The following NAA15 variants were observed in gnomAD, a reference collection of about 807,000 sequenced individuals.
NAA15 encodes the protein N-alpha-acetyltransferase 15, NatA auxiliary subunit, also known as N-terminal acetyltransferase.
A neutral mutation model predicts 114.0 loss-of-function variants in NAA15; 34 were observed. That is an observed-to-expected ratio of 0.30 (90% CI 0.23 to 0.40). NAA15 has a LOEUF of 0.40. Ranked by LOEUF, NAA15 falls within the 10% of genes least tolerant of loss-of-function variation. The probability of loss-of-function intolerance (pLI) is 1.00; values close to 1 mark genes in which losing one functional copy is unlikely to be tolerated. For missense variants in NAA15, 658 were observed against 1,004.5 expected (o/e 0.66, Z 4.66); for synonymous variants, 340 against 338.0 (o/e 1.01, Z -0.06).
At position 139,349,471 on chromosome 4, in the gene NAA15, T is replaced by A. The variant is rs1429591209; in HGVS notation, c.701T>A (p.Leu234Gln). 6.3e-7 allele frequency: 1 copy of A among 1,588,504 alleles called. No individual in the cohort carries two copies. Among genetic ancestry groups the A allele is most frequent in the Non-Finnish European group, 8.5e-7 (1 of 1,172,190 alleles). Residue 234 changes from leucine to glutamine, a missense_variant, in exon 7 of 20, where the codon CTG (leucine) becomes CAG (glutamine). Leu to Gln is a moderately radical substitution (Grantham distance 113, BLOSUM62 -2). Coordinates refer to ENST00000296543, the MANE Select transcript of NAA15 (RefSeq NM_057175.5). ...LAVEETKGEL[L>Q]LQLCRLEDAA... Reference sequence around the variant, plus strand: ...TTCTGTTTTTAATCAGGGGAACTTCTGTTGCAACTATGTCGTTTGGAAGAT... The same window carrying A: ...TTCTGTTTTTAATCAGGGGAACTTCAGTTGCAACTATGTCGTTTGGAAGAT...
At chr4:139,353,523 A>G (rs1267850146) in intron 9 of NAA15, among the ~76,000 whole-genome samples, 1 of 152,200 alleles carries the variant, frequency 6.6e-6, no homozygotes, top group Non-Finnish European at 1.5e-5. Context: ...GACTCAAGAG[A>G]AACCAGAACC....
At chr4:139,334,106 T>C in intron 1 of NAA15, 68 bp from the exon 2 acceptor site, 1 of 927,730 alleles carries the variant, frequency 1.1e-6, no homozygotes, top group Non-Finnish European at 1.7e-6. Flanking sequence ...AGTAGAGAAA[T>C]TTAGCGTTGA....
At chr4:139,324,469 C>T (rs1168460633) in intron 1 of NAA15, among the ~76,000 whole-genome samples, 1 of 152,142 alleles carries the variant, frequency 6.6e-6, no homozygotes, top group Non-Finnish European at 1.5e-5. Flanking sequence ...ACCTGTATTT[C>T]TGTTTAATGC....
chr4:139,315,012 TTAGGTTAGGTTAGGTTAGGTTAGG>T (rs1560952818), intron 1 of NAA15, among the ~76,000 whole-genome samples: 15 of 106,150 alleles, frequency 1.4e-4, no homozygotes, highest in South Asian at 3.1e-4. Context: ...TTAGTTTAGG[TTAGGTTAGGTTAGGTTAGGTTAGG>T]TTAGGTTAGG....
At chr4:139,360,719 A>G (rs1285839235) in intron 13 of NAA15, 91 bp downstream of exon 13, 1 of 1,143,918 alleles carries the variant, frequency 8.7e-7, no homozygotes, top group East Asian at 2.9e-5. Flanking sequence ...ATTTCTTTAT[A>G]ATTCATAGTA....
chr4:139,339,801 C>G (rs1049871653), intron 3 of NAA15, among the ~76,000 whole-genome samples: 18 of 151,990 alleles, frequency 1.2e-4, no homozygotes, highest in Admixed American at 2.6e-4. Context: ...AACCCAATTA[C>G]TTTGGTAGGA....
rs199630944 is a variant in NAA15 at position 139,312,852 on chromosome 4, A to G, written c.54+11021A>G. Among the ~76,000 whole-genome samples, 82 of 148,976 alleles carry G rather than the reference A, an allele frequency of 5.5e-4. 1 individual carries two copies. Among genetic ancestry groups the G allele is most frequent in the South Asian group, 6.7e-4 (3 of 4,508 alleles). ...CAGAATGAGACCTTGTCTGGGGGGGAAAAAAAAAGTAAAATAAAAATTGCA... is the reference window on the plus strand; with the variant it reads ...CAGAATGAGACCTTGTCTGGGGGGGGAAAAAAAAGTAAAATAAAAATTGCA... On this transcript the variant is annotated intron_variant, in intron 1 of 19. Coordinates refer to ENST00000296543, the MANE Select transcript of NAA15 (RefSeq NM_057175.5).
intron 3 of NAA15, among the ~76,000 whole-genome samples, chr4:139,340,678 A>G (rs1458032777): frequency 6.6e-6 from 1 of 152,214 alleles, no homozygotes; most frequent in African/African-American, 2.4e-5. Flanking sequence ...TGATTTGTCC[A>G]AGGTTACAGA....
In NAA15 at chr4:139,354,054, G is replaced by A; in HGVS notation, c.1043G>A (p.Gly348Asp). The A allele has an allele frequency of 6.2e-7, 1 of 1,613,680 alleles. No homozygotes were observed. Among genetic ancestry groups the A allele is most frequent in the Non-Finnish European group, 8.5e-7 (1 of 1,179,782 alleles). The change falls in exon 10 of 20, where the codon GGT (glycine) becomes GAT (aspartate). Residue 348 changes from glycine to aspartate, a missense_variant. Around this residue, in one of 6 missense-constraint regions of NAA15, gnomAD observed 281 missense variants for 389.1 expected, o/e 0.72. Transcript: ENST00000296543. ...GCAATCATAGAAGAGTTAGTAGTAGGTTATGAAACCTCTCTAAAAAGCTGC... is the reference window on the plus strand; with the variant it reads ...GCAATCATAGAAGAGTTAGTAGTAGATTATGAAACCTCTCTAAAAAGCTGC... ...KVAIIEELVVGYETSLKSCRL... is the reference protein window; with the variant it reads ...KVAIIEELVVDYETSLKSCRL...
chr4:139,359,236 C>T, intron 11 of NAA15, among the ~76,000 whole-genome samples: 1 of 152,076 alleles, frequency 6.6e-6, no homozygotes, highest in South Asian at 2.1e-4. Flanking sequence ...TAAAGTGATT[C>T]TCCTGCCTCA....
At chr4:139,372,574 C>T (rs1402871391) in intron 15 of NAA15, among the ~76,000 whole-genome samples, 8 of 152,126 alleles carry the variant, frequency 5.3e-5, no homozygotes, top group Non-Finnish European at 1.2e-4. Flanking sequence ...CCAAGATGCC[C>T]CTGTCTAAAA....
intron 1 of NAA15, among the ~76,000 whole-genome samples, chr4:139,324,844 A>T (rs1746740569): frequency 6.6e-6 from 1 of 152,108 alleles, no homozygotes; most frequent in South Asian, 2.1e-4. Context: ...AAAAATTGAG[A>T]TCTATTTACT....
intron 3 of NAA15, among the ~76,000 whole-genome samples, chr4:139,339,715 C>T (rs1319537898): frequency 6.6e-6 from 1 of 152,080 alleles, no homozygotes; most frequent in Non-Finnish European, 1.5e-5. Context: ...CATGCCACTG[C>T]ACTCTAGCCT....
At chr4:139,334,046 TTAC>T in intron 1 of NAA15, 125 bp from the exon 2 acceptor site, 1 of 620,998 alleles carries the variant, frequency 1.6e-6, no homozygotes, top group Admixed American at 3.7e-5. Flanking sequence ...TATTGGCATT[TTAC>T]CGAGATTTAG....
chr4:139,317,043 A>G (rs940416303), intron 1 of NAA15, among the ~76,000 whole-genome samples: 1 of 151,790 alleles, frequency 6.6e-6, no homozygotes, highest in African/African-American at 2.4e-5. Flanking sequence ...TCTCACTGTC[A>G]TGTATCAGAT....
Position 139,378,762 on chromosome 4 carries a change from T to G in NAA15, c.2063T>G (p.Phe688Cys). 6.4e-7 allele frequency: 1 copy of G among 1,554,448 alleles called. No homozygotes were observed. The highest frequency in any genetic ancestry group is 1.4e-5 in the African/African-American group (1 of 70,578). Residue 688 changes from phenylalanine to cysteine, a missense_variant, in exon 17 of 20, where the codon TTT (phenylalanine) becomes TGT (cysteine). Physicochemically the swap from Phe to Cys is radical, Grantham distance 205 (BLOSUM62 -2). This residue lies in a region of NAA15 where 275 missense variants were observed against 371.1 expected (regional missense o/e 0.74). Coordinates refer to ENST00000296543, the MANE Select transcript of NAA15 (RefSeq NM_057175.5). ...AFEIYFRKEK[F>C]LLMLQSVKRA... Reference sequence around the variant, plus strand: ...TTACTTTCTCTTTTTATAGAAAAGTTTCTTTTGATGCTACAATCAGTAAAG... The same window carrying G: ...TTACTTTCTCTTTTTATAGAAAAGTGTCTTTTGATGCTACAATCAGTAAAG...
chr4:139,310,917 C>A (rs1673716442), intron 1 of NAA15, among the ~76,000 whole-genome samples: 1 of 142,282 alleles, frequency 7.0e-6, no homozygotes, highest in South Asian at 2.2e-4. Flanking sequence ...TTATGCCTGG[C>A]CTAATTTAAA....
chr4:139,335,592 C>T (rs1400985610), intron 2 of NAA15, among the ~76,000 whole-genome samples: 1 of 151,996 alleles, frequency 6.6e-6, no homozygotes, highest in African/African-American at 2.4e-5. Flanking sequence ...TCTCAAACTC[C>T]TGACCTCAGG....
At chr4:139,328,229 T>C (rs1238758339) in intron 1 of NAA15, among the ~76,000 whole-genome samples, 1 of 151,760 alleles carries the variant, frequency 6.6e-6, no homozygotes, top group East Asian at 1.9e-4. Flanking sequence ...TTTTTTCAGA[T>C]GGAGTCTCGC....
Sources: gnomAD v4.1 joint callset for allele counts (sites outside exome capture counted in the v4.1 genomes callset) on GRCh38, gnomAD v4.1.1 for gene constraint, gnomAD v4.1.1 regional missense constraint, MANE v1.5 for transcripts, NCBI Gene and HGNC (gene_info 2026-07-23, HGNC 2026-07-21) for gene names.